The following ECE1 variants were observed in gnomAD, a reference collection of about 807,000 sequenced individuals.
The protein encoded by ECE1 is endothelin-converting enzyme 1.
A neutral mutation model predicts 98.6 loss-of-function variants in ECE1; 35 were observed. The ratio of observed to expected loss-of-function variants is 0.35; its 90% CI spans 0.27 to 0.47. ECE1 has a LOEUF of 0.47. Ranked by LOEUF, ECE1 falls within the 20% of genes least tolerant of loss-of-function variation. The pLI is 1.00. For synonymous variants in ECE1, 394 were observed against 407.1 expected (o/e 0.97, Z 0.39); for missense variants, 814 against 1,025.3 (o/e 0.79, Z 2.81).
At chr1:21,272,959 A>C in intron 3 of ECE1, 48 bp from the exon 4 acceptor site, 1 of 1,607,180 alleles carries the variant, frequency 6.2e-7, no homozygotes, top group South Asian at 1.1e-5. Context: ...GCAGGGAAGA[A>C]GCAGGGAGGG....
At chr1:21,272,458 A>C (rs1440227538) in intron 4 of ECE1, among the ~76,000 whole-genome samples, 1 of 152,118 alleles carries the variant, frequency 6.6e-6, no homozygotes. Context: ...TGCCTAGCTA[A>C]TTTTTGTATT....
At chr1:21,323,819 CTTTTT>C (rs34050500) in intron 1 of ECE1, among the ~76,000 whole-genome samples, 1 of 133,884 alleles carries the variant, frequency 7.5e-6, no homozygotes, top group African/African-American at 2.7e-5. Flanking sequence ...AATTTTCTTT[CTTTTT>C]TTTTTTTTTT....
At chr1:21,324,500 C>A (rs1292386529) in intron 1 of ECE1, among the ~76,000 whole-genome samples, 1 of 152,196 alleles carries the variant, frequency 6.6e-6, no homozygotes, top group Non-Finnish European at 1.5e-5. Flanking sequence ...CCAGAGCTGC[C>A]CTAGAATCCC....
chr1:21,297,681 C>T (rs1241672464), intron 1 of ECE1, among the ~76,000 whole-genome samples: 4 of 151,040 alleles, frequency 2.6e-5, no homozygotes, highest in East Asian at 3.9e-4. Context: ...GGACTACAGG[C>T]GCCCGCCACC....
At position 21,298,543 on chromosome 1, in the gene ECE1, G is replaced by A. The variant is rs150487218; in HGVS notation, c.4-8387C>T. 1.2e-3 allele frequency: 389 copies of A among 336,852 alleles called. 3 individuals carry two copies. Among genetic ancestry groups the A allele is most frequent in the Admixed American group, 0.01 (265 of 26,440 alleles). The allele number at this position is 336,852 out of a possible 1,614,324, so 20.9% of individuals were successfully genotyped here. On this transcript the variant is annotated intron_variant, in intron 1 of 18. Coordinates refer to the ECE1 transcript ENST00000415912. The stretch of plus-strand genomic sequence containing the variant: ...TACACGTCTTAAAAAAGTGAGCCAC[G>A]GAAAGGCCTCAGCCCAGTGCCTAGC...
At chr1:21,303,652 T>C (rs1017864056) in intron 1 of ECE1, among the ~76,000 whole-genome samples, 5 of 152,168 alleles carry the variant, frequency 3.3e-5, no homozygotes, top group Admixed American at 3.3e-4. Context: ...AATTTTGTTG[T>C]TGTTGTTGTT....
In ECE1 at chr1:21,322,634, C is replaced by A. The variant is rs3026829; in HGVS notation, c.3+22742G>T. The stretch of plus-strand genomic sequence containing the variant: ...CACCAGTGTGGTGGCACTGTTTGGC[C>A]CTGAGGGGTTGGAAGTTGATCTAAC... On this transcript the variant is annotated intron_variant, in intron 1 of 18. Coordinates refer to the ECE1 transcript ENST00000415912. This position sits in a 1 kb window ranked among gnomAD's most constrained non-coding sequence, Gnocchi z 4.1. 0.071 allele frequency among the ~76,000 whole-genome samples: 10,880 copies of A among 152,212 alleles called. 529 individuals carry two copies. Among genetic ancestry groups the A allele is most frequent in the Non-Finnish European group, 0.11 (7,333 of 67,988 alleles).
intron 8 of ECE1, among the ~76,000 whole-genome samples, chr1:21,254,713 T>C (rs2098217700): frequency 1.4e-5 from 2 of 147,936 alleles, no homozygotes; most frequent in African/African-American, 4.9e-5. Flanking sequence ...CCTCCTGGCC[T>C]CAGAGCAGGA....
chr1:21,294,339 G>A (rs1478706982), upstream of ECE1: 1 of 152,284 alleles, frequency 6.6e-6, no homozygotes, highest in Non-Finnish European at 1.5e-5. This position sits in a 1 kb window ranked among gnomAD's most constrained non-coding sequence, Gnocchi z 4.2. Context: ...CGAGTGTGTT[G>A]GGGAAGGTAA....
At chr1:21,298,408 CG>C in intron 1 of ECE1, 1 of 270,782 alleles carries the variant, frequency 3.7e-6, no homozygotes, top group South Asian at 3.8e-5. Flanking sequence ...CAGCCAAGTG[CG>C]GCTGTGTGGC....
In ECE1 at chr1:21,219,791, C is replaced by T. The variant is rs1447204422; in HGVS notation, c.*164G>A. 4.7e-6 allele frequency: 4 copies of T among 846,886 alleles called. No individual in the cohort carries two copies. The highest frequency in any genetic ancestry group is 2.1e-5 in the Admixed American group (1 of 47,416). 52.5% of individuals were successfully genotyped at this position (846,886 alleles called of 1,614,324 possible). On this transcript the variant is annotated 3_prime_UTR_variant, in exon 19 of 19. Transcript: ENST00000374893. This position sits in a 1 kb window ranked among gnomAD's most constrained non-coding sequence, Gnocchi z 4.5. ...TCACAGGGGATCAGACTGCGGGTCA[C>T]GTTGAGAGCCAACACCATGGGCTCG... is the stretch of plus-strand genomic sequence containing the variant.
chr1:21,304,315 CAAAAAAAAAAAAA>C (rs71014183), intron 1 of ECE1, among the ~76,000 whole-genome samples: 4 of 48,624 alleles, frequency 8.2e-5, no homozygotes, highest in East Asian at 1.6e-3. Context: ...GACTCCCTCT[CAAAAAAAAAAAAA>C]AAAAAAAAAA....
At chr1:21,254,523 G>T (rs1439362123) in intron 8 of ECE1, among the ~76,000 whole-genome samples, 3 of 152,088 alleles carry the variant, frequency 2.0e-5, no homozygotes, top group Non-Finnish European at 4.4e-5. Context: ...ATGCCTGGGG[G>T]GAACCTGGTG....
chr1:21,276,026 CTTTTTTTTTTTT>C (rs532213567), intron 3 of ECE1, among the ~76,000 whole-genome samples: 2 of 91,272 alleles, frequency 2.2e-5, no homozygotes, highest in Non-Finnish European at 4.1e-5. Context: ...TTAATACGTG[CTTTTTTTTTTTT>C]TTTTTTTTTT....
intron 1 of ECE1, among the ~76,000 whole-genome samples, chr1:21,308,998 A>C (rs1004526124): frequency 6.6e-6 from 1 of 152,246 alleles, no homozygotes; most frequent in Admixed American, 6.5e-5. Flanking sequence ...TTGCAGAAAC[A>C]GCAGGGCACC....
At chr1:21,259,266 A>T (rs2103291454) in intron 5 of ECE1, among the ~76,000 whole-genome samples, 1 of 152,226 alleles carries the variant, frequency 6.6e-6, no homozygotes, top group South Asian at 2.1e-4. Context: ...CAAAGTTGGG[A>T]TTTTAAAAAA....
At chr1:21,292,119 G>A (rs1160506354), upstream of ECE1, among the ~76,000 whole-genome samples, 1 of 151,960 alleles carries the variant, frequency 6.6e-6, no homozygotes, top group Non-Finnish European at 1.5e-5. Flanking sequence ...TTGCACCACT[G>A]CACTCCAGCG....
chr1:21,275,161 C>T (rs1421214966), intron 3 of ECE1, among the ~76,000 whole-genome samples: 5 of 152,138 alleles, frequency 3.3e-5, no homozygotes, highest in Non-Finnish European at 7.3e-5. Context: ...GTGAGCCTAA[C>T]GCGGGAAGAC....
intron 1 of ECE1, among the ~76,000 whole-genome samples, chr1:21,320,554 C>T (rs540481453): frequency 5.3e-5 from 8 of 152,278 alleles, no homozygotes; most frequent in South Asian, 2.1e-4. Context: ...GTATTATCAA[C>T]GCCTCGCAGC....
Sources: gnomAD v4.1 joint callset for allele counts (sites outside exome capture counted in the v4.1 genomes callset) on GRCh38, gnomAD v4.1.1 for gene constraint, Gnocchi (gnomAD v3.1) non-coding constraint, MANE v1.5 for transcripts, NCBI Gene and HGNC (gene_info 2026-07-23, HGNC 2026-07-21) for gene names.